PLXNA4: variants seen among roughly 807,000 people sequenced by gnomAD.
PLXNA4 encodes the protein plexin A4.
In PLXNA4, 44 loss-of-function variants were observed where a neutral mutation model predicts 191.8. The ratio of observed to expected loss-of-function variants is 0.23; its 90% CI spans 0.18 to 0.29. The LOEUF (loss-of-function observed/expected upper bound fraction) is 0.29, where lower values mean the gene tolerates loss of function less well. Among genes scored for constraint, PLXNA4 ranks in the 10% least tolerant of loss-of-function variants. The probability of loss-of-function intolerance (pLI) is 1.00; values close to 1 mark genes in which losing one functional copy is unlikely to be tolerated. For missense variants in PLXNA4, 1,800 were observed against 2,488.8 expected (o/e 0.72, Z 5.89); for synonymous variants, 1,082 against 1,009.5 (o/e 1.07, Z -1.36).
At chr7:132,384,336 C>T (rs1363511633) in intron 3 of PLXNA4, 1 of 985,454 alleles carries the variant, frequency 1.0e-6, no homozygotes, top group East Asian at 1.1e-4. Context: ...CTTGACTACA[C>T]TTTATTTCCC....
Position 132,183,208 on chromosome 7 carries a change from G to A in PLXNA4, c.3159-1018C>T, listed in dbSNP as rs138979792. ...TCCCTCTCTCCTTGCTCACATGCGC[G>A]CACACACGCATGTGCGTGCACACAC... On this transcript the variant is annotated intron_variant, in intron 16 of 31. Transcript: ENST00000321063. Among the ~76,000 whole-genome samples the A allele has an allele frequency of 2.7e-4, 41 of 152,164 alleles. No homozygotes were observed. The East Asian group carries it at 6.6e-3, about 24-fold the overall frequency.
At chr7:132,615,237 G>A (rs1045886774) in intron 2 of PLXNA4, among the ~76,000 whole-genome samples, 2 of 152,170 alleles carry the variant, frequency 1.3e-5, no homozygotes, top group African/African-American at 4.8e-5. Flanking sequence ...AGATGGCTGA[G>A]GTTTTGAGCC....
intron 2 of PLXNA4, among the ~76,000 whole-genome samples, chr7:132,645,115 C>T (rs1212624547): frequency 6.6e-6 from 1 of 152,176 alleles, no homozygotes; most frequent in Non-Finnish European, 1.5e-5. Flanking sequence ...ACTAACGATG[C>T]CCATTAAGAA....
intron 10 of PLXNA4, among the ~76,000 whole-genome samples, chr7:132,206,695 A>G (rs1323650575): frequency 2.6e-5 from 4 of 151,994 alleles, no homozygotes; most frequent in Non-Finnish European, 5.9e-5. Flanking sequence ...ATGACCTGCA[A>G]CGTGCCTGGG....
intron 1 of PLXNA4, among the ~76,000 whole-genome samples, chr7:132,567,501 G>T (rs1288996538): frequency 6.6e-6 from 1 of 152,200 alleles, no homozygotes; most frequent in Non-Finnish European, 1.5e-5. Context: ...TAGCCAGTCA[G>T]TCTGACTTGA....
At chr7:132,367,144 C>T (rs1417518863) in intron 3 of PLXNA4, among the ~76,000 whole-genome samples, 1 of 152,200 alleles carries the variant, frequency 6.6e-6, no homozygotes, top group African/African-American at 2.4e-5. Flanking sequence ...TAAACATGGG[C>T]TCTACATGTG....
intron 30 of PLXNA4, among the ~76,000 whole-genome samples, chr7:132,136,308 G>T (rs1222083185): frequency 6.6e-6 from 1 of 152,214 alleles, no homozygotes; most frequent in South Asian, 2.1e-4. Flanking sequence ...ATTCTCATCT[G>T]CTGGCTGTGC....
intron 14 of PLXNA4, among the ~76,000 whole-genome samples, chr7:132,189,004 GAGA>G (rs1796990388): frequency 1.4e-5 from 1 of 72,210 alleles, no homozygotes; most frequent in Non-Finnish European, 2.8e-5. Context: ...GAGAGAGAGA[GAGA>G]GAGAGAGAGA....
intron 3 of PLXNA4, chr7:132,383,533 T>C (rs996515102): frequency 1.3e-4 from 131 of 971,116 alleles, no homozygotes; most frequent in Non-Finnish European, 1.6e-4. Context: ...ATTCATTGTA[T>C]CATGCTTTCT....
intron 4 of PLXNA4, among the ~76,000 whole-genome samples, chr7:132,244,473 T>C (rs1289321563): frequency 6.6e-6 from 1 of 152,238 alleles, no homozygotes; most frequent in African/African-American, 2.4e-5. Context: ...TTTCTATTTA[T>C]GATTTAACCA....
chr7:132,384,029 T>C, intron 3 of PLXNA4: 1 of 985,474 alleles, frequency 1.0e-6, no homozygotes, highest in Non-Finnish European at 1.2e-6. Context: ...CTCCAGAATA[T>C]GGACAGTGAG....
intron 3 of PLXNA4, among the ~76,000 whole-genome samples, chr7:132,353,805 G>A (rs1199230590): frequency 6.6e-6 from 1 of 152,170 alleles, no homozygotes; most frequent in Non-Finnish European, 1.5e-5. Flanking sequence ...GGGGCAAGCA[G>A]TATCTTGCTC....
intron 8 of PLXNA4, among the ~76,000 whole-genome samples, chr7:132,224,793 T>C (rs566546432): frequency 4.6e-5 from 7 of 152,142 alleles, no homozygotes; most frequent in Non-Finnish European, 8.8e-5. Context: ...GGATGCCTTC[T>C]TACTTGGGGC....
At chr7:132,610,569 TCTGCTGTCTG>T (rs1803026028) in intron 2 of PLXNA4, among the ~76,000 whole-genome samples, 1 of 152,260 alleles carries the variant, frequency 6.6e-6, no homozygotes, top group South Asian at 2.1e-4. Flanking sequence ...TCCCTCTCTC[TCTGCTGTCTG>T]CAGCAACCTG....
At chr7:132,265,784 G>A (rs960582139) in intron 4 of PLXNA4, among the ~76,000 whole-genome samples, 4 of 152,182 alleles carry the variant, frequency 2.6e-5, no homozygotes, top group African/African-American at 9.7e-5. Flanking sequence ...ACACACATGG[G>A]CACTAACATT....
intron 3 of PLXNA4, among the ~76,000 whole-genome samples, chr7:132,454,287 G>A (rs1291474855): frequency 1.3e-5 from 2 of 152,128 alleles, no homozygotes; most frequent in African/African-American, 2.4e-5. Context: ...TGACTCTTAA[G>A]CCTCATCTCA....
At chr7:132,573,229 G>A (rs933023187) in intron 1 of PLXNA4, among the ~76,000 whole-genome samples, 1 of 152,150 alleles carries the variant, frequency 6.6e-6, no homozygotes, top group Non-Finnish European at 1.5e-5. Flanking sequence ...CACATCTGTT[G>A]CATAGTCTAA....
At chr7:132,365,358 T>TGCGTGCGCGCGC (rs1554424500) in intron 3 of PLXNA4, among the ~76,000 whole-genome samples, 2 of 133,648 alleles carry the variant, frequency 1.5e-5, no homozygotes, top group African/African-American at 6.9e-5. Context: ...TGTGTGTGTG[T>TGCGTGCGCGCGC]GTGCGTGCGC....
chr7:132,396,319 A>G (rs1167230463), intron 3 of PLXNA4, among the ~76,000 whole-genome samples: 1 of 152,200 alleles, frequency 6.6e-6, no homozygotes, highest in Non-Finnish European at 1.5e-5. Flanking sequence ...TAGCCAACAC[A>G]TATGTAGCAC....
Sources: allele counts gnomAD v4.1 joint callset (sites outside exome capture counted in the v4.1 genomes callset), GRCh38; gene constraint gnomAD v4.1.1; transcripts MANE v1.5; gene names NCBI Gene and HGNC (gene_info 2026-07-23, HGNC 2026-07-21).